ADAM29: variants seen among roughly 807,000 people sequenced by gnomAD.
ADAM29 encodes the protein disintegrin and metalloproteinase domain-containing protein 29.
For missense variants in ADAM29, 969 were observed against 1,001.8 expected (o/e 0.97, Z 0.44); for synonymous variants, 367 against 342.3 (o/e 1.07, Z -0.80).
At chr4:174,972,597 T>A (rs917328758) in intron 4 of ADAM29, among the ~76,000 whole-genome samples, 3 of 152,150 alleles carry the variant, frequency 2.0e-5, no homozygotes, top group Admixed American at 2.0e-4. Flanking sequence ...CATGATCAAT[T>A]CTTTTCTTCT....
intron 4 of ADAM29, among the ~76,000 whole-genome samples, chr4:174,939,323 T>C (rs1348689999): frequency 6.6e-6 from 1 of 152,214 alleles, no homozygotes; most frequent in Non-Finnish European, 1.5e-5. Flanking sequence ...GAAGTACTGA[T>C]GTCGGCTAAG....
chr4:174,925,466 C>T (rs1743463563), intron 2 of ADAM29, among the ~76,000 whole-genome samples: 1 of 151,918 alleles, frequency 6.6e-6, no homozygotes, highest in African/African-American at 2.4e-5. Context: ...TATAGCCATG[C>T]CTCCATGGCT....
At chr4:174,964,737 A>G (rs949010246) in intron 4 of ADAM29, among the ~76,000 whole-genome samples, 1 of 152,130 alleles carries the variant, frequency 6.6e-6, no homozygotes, top group African/African-American at 2.4e-5. Context: ...TAAGAAATTT[A>G]ATTAAAAATT....
chr4:174,951,377 C>T (rs896879487), intron 4 of ADAM29, among the ~76,000 whole-genome samples: 5 of 152,128 alleles, frequency 3.3e-5, no homozygotes, highest in African/African-American at 1.2e-4. Flanking sequence ...TCCATTTGAG[C>T]ATTTTGTTAT....
rs541999232 is a variant in ADAM29, at chr4:174,921,028, C to T, written c.-451+236C>T. ...AACCCACAACACTCAGAGACTACAT[C>T]TTTGAAGAAGTTCAAAGAGAATATT... is the stretch of plus-strand genomic sequence containing the variant. On this transcript the variant is annotated intron_variant, in intron 2 of 4. Transcript: ENST00000359240. Among the ~76,000 whole-genome samples the T allele has an allele frequency of 1.4e-4, 21 of 152,240 alleles. No homozygotes were observed. The South Asian group carries it at 2.3e-3, about 17-fold the overall frequency.
At chr4:174,936,002 T>G (rs969039695) in intron 3 of ADAM29, among the ~76,000 whole-genome samples, 1 of 152,032 alleles carries the variant, frequency 6.6e-6, no homozygotes, top group Non-Finnish European at 1.5e-5. Flanking sequence ...TCTGGATACT[T>G]TTGAGAACAA....
chr4:174,950,579 A>G (rs1745110204), intron 4 of ADAM29, among the ~76,000 whole-genome samples: 3 of 152,166 alleles, frequency 2.0e-5, no homozygotes, highest in Admixed American at 2.0e-4. Flanking sequence ...TTCCACACAC[A>G]TTGCTTACAA....
intron 4 of ADAM29, among the ~76,000 whole-genome samples, chr4:174,945,989 A>T (rs552144568): frequency 1.3e-5 from 2 of 152,174 alleles, no homozygotes; most frequent in South Asian, 4.1e-4. Flanking sequence ...TTTTGATTCC[A>T]TATGAATTTT....
At position 174,977,174 on chromosome 4, in the gene ADAM29, A is replaced by T. The variant is rs200782477; in HGVS notation, c.1649A>T (p.Gln550Leu). 2 of 1,614,138 alleles carry T rather than the reference A, an allele frequency of 1.2e-6. No individual in the cohort carries two copies. Among genetic ancestry groups the T allele is most frequent in the Non-Finnish European group, 1.7e-6 (2 of 1,180,034 alleles). The change falls in exon 5 of 5, where the codon CAG (glutamine) becomes CTG (leucine). Residue 550 changes from glutamine to leucine, a missense_variant. By Grantham distance (113) the Gln-to-Leu change is moderately radical. Coordinates refer to ENST00000359240, the MANE Select transcript of ADAM29 (RefSeq NM_014269.4). ...ATAAAGTGTAATATCTCAGATGTCC[A>T]GTGTGGAAGAATTCAGTGTGAGAAT... The part of the protein sequence containing the change: ...TYIKCNISDV[Q>L]CGRIQCENVT...
chr4:174,954,207 A>C (rs13117040), intron 4 of ADAM29, among the ~76,000 whole-genome samples: 63,654 of 152,002 alleles, frequency 0.42, 13,878 homozygotes, highest in African/African-American at 0.54. Flanking sequence ...TCTTCATTTC[A>C]TATTAGATCT....
intron 3 of ADAM29, among the ~76,000 whole-genome samples, chr4:174,936,452 C>T (rs1235063428): frequency 1.3e-5 from 2 of 151,762 alleles, no homozygotes; most frequent in Non-Finnish European, 2.9e-5. Flanking sequence ...CAGAATATAC[C>T]ATTTCCTAAA....
chr4:174,963,952 A>T (rs1401063600), intron 4 of ADAM29, among the ~76,000 whole-genome samples: 6 of 152,148 alleles, frequency 3.9e-5, no homozygotes, highest in African/African-American at 1.4e-4. Context: ...TACAGGCATG[A>T]GCCACTGTGC....
chr4:174,946,903 T>A (rs888512579), intron 4 of ADAM29, among the ~76,000 whole-genome samples: 1 of 152,174 alleles, frequency 6.6e-6, no homozygotes, highest in Non-Finnish European at 1.5e-5. Flanking sequence ...GGCTTTTTAT[T>A]ACTGATTCAA....
At chr4:174,961,351 T>C (rs2111060622) in intron 4 of ADAM29, among the ~76,000 whole-genome samples, 1 of 151,642 alleles carries the variant, frequency 6.6e-6, no homozygotes, top group East Asian at 1.9e-4. Context: ...ATATTAAATA[T>C]GAGAGTTCTC....
chr4:174,936,720 A>T (rs1299215891), intron 3 of ADAM29, among the ~76,000 whole-genome samples: 1 of 151,972 alleles, frequency 6.6e-6, no homozygotes, highest in Admixed American at 6.6e-5. Flanking sequence ...TGAAGCATAA[A>T]GTTCATGTCA....
At chr4:174,928,404 T>A (rs1743642398) in intron 2 of ADAM29, among the ~76,000 whole-genome samples, 2 of 151,384 alleles carry the variant, frequency 1.3e-5, no homozygotes, top group African/African-American at 4.9e-5. Flanking sequence ...AACTGACTGG[T>A]TAGTTACTGG....
chr4:174,943,116 C>T (rs1202552085), intron 4 of ADAM29, among the ~76,000 whole-genome samples: 1 of 152,188 alleles, frequency 6.6e-6, no homozygotes, highest in East Asian at 1.9e-4. Flanking sequence ...CAATTCCTCA[C>T]CTCCACCTGA....
At chr4:174,933,117 T>C (rs1380491766) in intron 3 of ADAM29, among the ~76,000 whole-genome samples, 4 of 152,086 alleles carry the variant, frequency 2.6e-5, no homozygotes, top group African/African-American at 9.7e-5. Flanking sequence ...GAGAATAAAT[T>C]AGATTGGACC....
At position 174,923,602 on chromosome 4, in the gene ADAM29, A is replaced by C. The variant is rs181679254; in HGVS notation, c.-451+2810A>C. ...ATCTTTAAAAAATATTTTCCACCAC[A>C]CATACTTCCTTTCATTAATCAGATA... On this transcript the variant is annotated intron_variant, in intron 2 of 4. Coordinates refer to ENST00000359240, the MANE Select transcript of ADAM29 (RefSeq NM_014269.4). Among the ~76,000 whole-genome samples, 339 of 149,098 alleles carry C rather than the reference A, an allele frequency of 2.3e-3. 2 individuals carry two copies. The highest frequency in any genetic ancestry group is 8.1e-3 in the African/African-American group (327 of 40,476).
Sources: gnomAD v4.1 joint callset for allele counts (sites outside exome capture counted in the v4.1 genomes callset) on GRCh38, gnomAD v4.1.1 for gene constraint, MANE v1.5 for transcripts, NCBI Gene and HGNC (gene_info 2026-07-23, HGNC 2026-07-21) for gene names.